The following MPHOSPH8 variants were observed in gnomAD, a reference collection of about 807,000 sequenced individuals.
MPHOSPH8 encodes the protein M-phase phosphoprotein 8.
MPHOSPH8 carries 45 observed loss-of-function variants against 87.3 expected under a neutral mutation model. The observed-to-expected ratio is 0.52, with a 90% CI of 0.41 to 0.66. The LOEUF is 0.66. Ranked by LOEUF, MPHOSPH8 falls within the 30% of genes least tolerant of loss-of-function variation. The pLI, the probability that MPHOSPH8 is intolerant of heterozygous loss-of-function variation, is 0.00. For synonymous variants in MPHOSPH8, 366 were observed against 376.9 expected (o/e 0.97, Z 0.33); for missense variants, 883 against 1,020.2 (o/e 0.87, Z 1.83).
intron 9 of MPHOSPH8, 77 bp from the exon 10 acceptor site, chr13:19,666,348 G>GC (rs1875813537): frequency 1.5e-5 from 21 of 1,420,582 alleles, no homozygotes; most frequent in Non-Finnish European, 2.0e-5. Flanking sequence ...GAACCGCTAA[G>GC]CATGTATGGA....
At chr13:19,670,820 CTTTTTT>C in intron 12 of MPHOSPH8, 3 of 964,902 alleles carry the variant, frequency 3.1e-6, no homozygotes, top group Non-Finnish European at 4.0e-6. Flanking sequence ...AAATAAATCA[CTTTTTT>C]TTTTTTTTTG....
At chr13:19,656,539 C>T (rs535920124) in intron 5 of MPHOSPH8, among the ~76,000 whole-genome samples, 2 of 152,076 alleles carry the variant, frequency 1.3e-5, no homozygotes, top group South Asian at 2.1e-4. Context: ...GCGGGTGGCT[C>T]ATTTGAGGTC....
rs555913126 is a variant in MPHOSPH8 at position 19,645,320 on chromosome 13, CA to C, written c.370-1119del. On this transcript the variant is annotated intron_variant, in intron 2 of 13. Coordinates refer to ENST00000361479, the MANE Select transcript of MPHOSPH8 (RefSeq NM_017520.4). Reference sequence around the variant, plus strand: ...GTAGGGACTTGGGACTTACTAAAACCAAAAGCTGTCTGTGGGGAGTTTTGTT... The same window carrying C: ...GTAGGGACTTGGGACTTACTAAAACCAAAGCTGTCTGTGGGGAGTTTTGTT... 2.0e-5 allele frequency among the ~76,000 whole-genome samples: 3 copies of C among 152,142 alleles called. No individual in the cohort carries two copies. In the South Asian group the frequency reaches 6.2e-4, roughly 32 times the overall value.
intron 9 of MPHOSPH8, among the ~76,000 whole-genome samples, chr13:19,666,030 C>T (rs534328638): frequency 3.3e-5 from 5 of 152,306 alleles, no homozygotes; most frequent in African/African-American, 1.2e-4. Context: ...TATCTCTGCG[C>T]CTCGCTGAGG....
intron 1 of MPHOSPH8, among the ~76,000 whole-genome samples, chr13:19,638,022 A>G (rs1255268228): frequency 6.6e-6 from 1 of 150,906 alleles, no homozygotes; most frequent in African/African-American, 2.4e-5. Flanking sequence ...AATGGCATGA[A>G]CCCGGGAGGT....
chr13:19,651,983 T>C (rs148925841), intron 5 of MPHOSPH8, among the ~76,000 whole-genome samples: 141 of 152,204 alleles, frequency 9.3e-4, no homozygotes, highest in South Asian at 5.0e-3. Flanking sequence ...GTGCCTGCAG[T>C]CCCAGCCACT....
At chr13:19,637,014 C>T (rs146307020) in intron 1 of MPHOSPH8, among the ~76,000 whole-genome samples, 261 of 152,234 alleles carry the variant, frequency 1.7e-3, no homozygotes, top group Non-Finnish European at 3.3e-3. Flanking sequence ...CATACAAAGA[C>T]GTGGAATTCA....
At position 19,646,927 on chromosome 13, in the gene MPHOSPH8, A is replaced by G; in HGVS notation, c.854A>G (p.Asp285Gly). The G allele has an allele frequency of 6.3e-7, 1 of 1,598,374 alleles. No homozygotes were observed. Among genetic ancestry groups the G allele is most frequent in the Non-Finnish European group, 8.5e-7 (1 of 1,176,338 alleles). The change falls in exon 3 of 14, where the codon GAC becomes GGC. Residue 285 changes from aspartate to glycine, a missense_variant. Physicochemically the swap from Asp to Gly is moderately conservative, Grantham distance 94 (BLOSUM62 -1). This residue lies in a region of MPHOSPH8 where 741 missense variants were observed against 841.5 expected (regional missense o/e 0.88). Coordinates refer to ENST00000361479, the MANE Select transcript of MPHOSPH8 (RefSeq NM_017520.4). Reference sequence around the variant, plus strand: ...GATGACAGTGAAGGGCTACATTCCGACAGCAGAGAAGAGAAACAAAACACT... The same window carrying G: ...GATGACAGTGAAGGGCTACATTCCGGCAGCAGAGAAGAGAAACAAAACACT... ...PEDDSEGLHS[D>G]SREEKQNTKS...
rs2780356 is a variant in MPHOSPH8 at position 19,672,641 on chromosome 13, C to G, written c.*766C>G. 1 of 155,056 alleles carries G rather than the reference C, an allele frequency of 6.4e-6. No homozygotes were observed. Among genetic ancestry groups the G allele is most frequent in the African/African-American group, 2.4e-5 (1 of 41,412 alleles). 9.6% of individuals were successfully genotyped at this position (155,056 alleles called of 1,614,324 possible). On this transcript the variant is annotated 3_prime_UTR_variant, in exon 14 of 14. Transcript: ENST00000361479. ...AAGGGTTGGGAGGCCTGATCTTTTT[C>G]TAGTAGACAGTTGCCACACATTCCC... is the stretch of plus-strand genomic sequence containing the variant.
chr13:19,661,933 A>G lies in MPHOSPH8; in HGVS notation c.1932+95A>G, dbSNP rs1593486745. 6 of 1,335,848 alleles carry G rather than the reference A, an allele frequency of 4.5e-6. No individual in the cohort carries two copies. The South Asian group carries it at 4.9e-5, about 11-fold the overall frequency. 82.7% of individuals were successfully genotyped at this position (1,335,848 alleles called of 1,614,324 possible). A position where few individuals can be genotyped will look rare whatever the true frequency, so the allele number is the denominator to read the frequency against. On this transcript the variant is annotated intron_variant, in intron 8 of 13. Coordinates refer to ENST00000361479, the MANE Select transcript of MPHOSPH8 (RefSeq NM_017520.4). ...TTTGGTAGTGAAATATAGCAGTCAC[A>G]TGGTCACATCGCTTTTTTTTTTTTT...
intron 10 of MPHOSPH8, among the ~76,000 whole-genome samples, chr13:19,667,310 C>G (rs533526683): frequency 1.3e-5 from 2 of 152,172 alleles, no homozygotes; most frequent in East Asian, 3.8e-4. Context: ...CCCCGACTGT[C>G]GAGATCCCAG....
intron 2 of MPHOSPH8, among the ~76,000 whole-genome samples, chr13:19,644,981 T>G (rs1874492430): frequency 6.6e-6 from 1 of 152,194 alleles, no homozygotes; most frequent in South Asian, 2.1e-4. Flanking sequence ...AAAAAATTTT[T>G]TTTTAGATCT....
intron 5 of MPHOSPH8, among the ~76,000 whole-genome samples, chr13:19,652,330 G>A (rs555496841): frequency 1.9e-4 from 29 of 152,250 alleles, no homozygotes; most frequent in Admixed American, 7.8e-4. Flanking sequence ...GCAGGGGGTC[G>A]GGGAACTCCC....
At chr13:19,642,373 C>A in intron 2 of MPHOSPH8, 103 bp downstream of exon 2, 1 of 1,011,462 alleles carries the variant, frequency 9.9e-7, no homozygotes, top group Non-Finnish European at 1.4e-6. Flanking sequence ...ACAAAGTGTA[C>A]CGTATTCTTT....
At chr13:19,641,015 C>T (rs1487286107) in intron 1 of MPHOSPH8, among the ~76,000 whole-genome samples, 1 of 152,014 alleles carries the variant, frequency 6.6e-6, no homozygotes, top group Non-Finnish European at 1.5e-5. Context: ...TTTCAGTATC[C>T]ATTTATTATT....
intron 5 of MPHOSPH8, among the ~76,000 whole-genome samples, chr13:19,656,294 AAAAAAAC>A (rs1369729044): frequency 6.6e-6 from 1 of 151,156 alleles, no homozygotes; most frequent in East Asian, 1.9e-4. Context: ...AAAAAAAAAA[AAAAAAAC>A]TGTCGTCATC....
intron 1 of MPHOSPH8, among the ~76,000 whole-genome samples, chr13:19,640,999 A>G (rs1874259056): frequency 6.6e-6 from 1 of 152,180 alleles, no homozygotes; most frequent in Non-Finnish European, 1.5e-5. Flanking sequence ...AAATAGATCA[A>G]ATTGTTTTCA....
chr13:19,633,727 G>A lies in MPHOSPH8; in HGVS notation c.-22G>A, dbSNP rs759348487. On this transcript the variant is annotated 5_prime_UTR_variant, in exon 1 of 14. Coordinates refer to ENST00000361479, the MANE Select transcript of MPHOSPH8 (RefSeq NM_017520.4). ...GTGTTTGTCGCAGCGGGTTTTCCTC[G>A]GCGGTTTGCGGAGCTGCTAGGATGG... 9.6e-6 allele frequency: 15 copies of A among 1,569,486 alleles called. No homozygotes were observed. Among genetic ancestry groups the A allele is most frequent in the Middle Eastern group, 4.2e-4 (2 of 4,718 alleles).
Position 19,666,532 on chromosome 13 carries a change from G to A in MPHOSPH8, c.2127G>A (p.Gln709=), listed in dbSNP as rs745978285. 1.9e-6 allele frequency: 3 copies of A among 1,602,314 alleles called. No homozygotes were observed. The South Asian group carries it at 3.3e-5, about 18-fold the overall frequency. Reference sequence around the variant, plus strand: ...ATAGTGCCCTGCACTTTGCGAAGCAGTCTAACAATGTGCTTGTGTACGACT... The same window carrying A: ...ATAGTGCCCTGCACTTTGCGAAGCAATCTAACAATGTGCTTGTGTACGACT... The part of the protein sequence containing the change: ...HQNSALHFAK[Q]SNNVLVYDLL... Residue 709 remains glutamine (Q), a synonymous_variant, in exon 10 of 14, where the codon CAG becomes CAA. Transcript: ENST00000361479.
Sources: gnomAD v4.1 joint callset for allele counts (sites outside exome capture counted in the v4.1 genomes callset) on GRCh38, gnomAD v4.1.1 for gene constraint, gnomAD v4.1.1 regional missense constraint, MANE v1.5 for transcripts, NCBI Gene and HGNC (gene_info 2026-07-23, HGNC 2026-07-21) for gene names.